The following WWOX variants were observed in gnomAD, a reference collection of about 807,000 sequenced individuals.
The protein encoded by WWOX is WW domain containing oxidoreductase.
WWOX carries 69 observed loss-of-function variants against 46.2 expected under a neutral mutation model. That is an observed-to-expected ratio of 1.49 (90% CI 1.23 to 1.82). WWOX has a LOEUF of 1.82. Ranked by LOEUF, WWOX falls within the 40% of genes most tolerant of loss-of-function variation. The pLI, the probability that WWOX is intolerant of heterozygous loss-of-function variation, is 0.00. For missense variants in WWOX, 919 were observed against 542.6 expected, an observed-to-expected ratio of 1.69 and a Z score of -6.89; for synonymous variants, 359 against 202.6, an observed-to-expected ratio of 1.77 and a Z score of -6.56.
intron 8 of WWOX, among the ~76,000 whole-genome samples, chr16:78,546,803 A>T (rs1318075254): frequency 6.6e-6 from 1 of 152,118 alleles, no homozygotes; most frequent in African/African-American, 2.4e-5. Context: ...AGAGCCTAGA[A>T]AACCTGGGCA....
At chr16:78,536,579 A>G (rs1378905180) in intron 8 of WWOX, among the ~76,000 whole-genome samples, 1 of 152,104 alleles carries the variant, frequency 6.6e-6, no homozygotes, top group African/African-American at 2.4e-5. Flanking sequence ...ATGGTAGCCA[A>G]GGACAGTACT....
chr16:78,952,964 A>C (rs986858288), intron 8 of WWOX, among the ~76,000 whole-genome samples: 10 of 152,190 alleles, frequency 6.6e-5, no homozygotes, highest in African/African-American at 2.2e-4. Context: ...GGCTTCAGCA[A>C]AACCACACAA....
chr16:79,123,758 G>A (rs550560995), intron 8 of WWOX, among the ~76,000 whole-genome samples: 43 of 152,212 alleles, frequency 2.8e-4, no homozygotes, highest in African/African-American at 7.2e-4. Flanking sequence ...TTAAAAGCAG[G>A]CACATTATAA....
chr16:78,179,946 G>A (rs902847126), intron 5 of WWOX, among the ~76,000 whole-genome samples: 4 of 152,220 alleles, frequency 2.6e-5, no homozygotes, highest in African/African-American at 9.6e-5. Context: ...AACTTGGGCA[G>A]CAGTAATCCT....
intron 8 of WWOX, among the ~76,000 whole-genome samples, chr16:79,084,672 C>G (rs544594725): frequency 2.6e-4 from 39 of 152,326 alleles, no homozygotes; most frequent in African/African-American, 8.9e-4. Context: ...ATCGGCCTCC[C>G]AAAGTGCTGG....
chr16:79,173,941 C>G (rs891855652), intron 8 of WWOX, among the ~76,000 whole-genome samples: 1 of 152,162 alleles, frequency 6.6e-6, no homozygotes, highest in Non-Finnish European at 1.5e-5. Flanking sequence ...ATGTGTTGCA[C>G]AGCCTTTAGA....
intron 8 of WWOX, among the ~76,000 whole-genome samples, chr16:78,606,111 C>T (rs543785283): frequency 3.9e-5 from 6 of 152,196 alleles, no homozygotes; most frequent in Admixed American, 1.3e-4. Context: ...TTATGGCTAT[C>T]AAACTACTAG....
At chr16:78,841,994 G>A (rs1487224136) in intron 8 of WWOX, among the ~76,000 whole-genome samples, 3 of 152,148 alleles carry the variant, frequency 2.0e-5, no homozygotes, top group Admixed American at 2.0e-4. Flanking sequence ...AAGGGAAGGG[G>A]GATATAAGAG....
chr16:78,347,368 G>T (rs2081111748), intron 5 of WWOX, among the ~76,000 whole-genome samples: 1 of 117,610 alleles, frequency 8.5e-6, no homozygotes, highest in African/African-American at 2.9e-5. Flanking sequence ...CATATGTCTA[G>T]TTCCAAGTAT....
chr16:78,918,134 G>A (rs2045295303), intron 8 of WWOX, among the ~76,000 whole-genome samples: 2 of 152,054 alleles, frequency 1.3e-5, no homozygotes, highest in Admixed American at 1.3e-4. Context: ...GAGGTGGGAG[G>A]ATCACTTGAG....
At chr16:78,158,656 T>C (rs1029043933) in intron 4 of WWOX, among the ~76,000 whole-genome samples, 2 of 152,220 alleles carry the variant, frequency 1.3e-5, no homozygotes, top group Admixed American at 6.5e-5. Flanking sequence ...TTGTTCACCA[T>C]ATCTTAAGAT....
At chr16:78,876,828 C>G (rs1324497352) in intron 8 of WWOX, among the ~76,000 whole-genome samples, 1 of 152,164 alleles carries the variant, frequency 6.6e-6, no homozygotes, top group Non-Finnish European at 1.5e-5. Context: ...ATATTTTCAT[C>G]TTAACAGCTT....
chr16:79,192,853 C>T (rs2051164212), intron 8 of WWOX, among the ~76,000 whole-genome samples: 1 of 152,188 alleles, frequency 6.6e-6, no homozygotes. Context: ...AGTCACTTAG[C>T]CTCTCTGAGC....
chr16:79,043,138 C>T (rs2048003320), intron 8 of WWOX, among the ~76,000 whole-genome samples: 1 of 151,992 alleles, frequency 6.6e-6, no homozygotes, highest in Non-Finnish European at 1.5e-5. Flanking sequence ...GCTGACTTTG[C>T]CTACTTGCAG....
At chr16:78,099,910 G>T (rs751782761) in intron 1 of WWOX, 25 bp downstream of exon 1, 9 of 1,550,342 alleles carry the variant, frequency 5.8e-6, no homozygotes, top group Non-Finnish European at 7.8e-6. Flanking sequence ...GTGGGGCCGC[G>T]GACGCACCTG....
chr16:79,037,527 C>T (rs545771761), intron 8 of WWOX, among the ~76,000 whole-genome samples: 196 of 152,196 alleles, frequency 1.3e-3, no homozygotes, highest in Admixed American at 4.1e-3. Flanking sequence ...TTCCCAAAGT[C>T]ACACTGCTGA....
At chr16:78,606,817 T>C (rs1022181706) in intron 8 of WWOX, among the ~76,000 whole-genome samples, 2 of 151,644 alleles carry the variant, frequency 1.3e-5, no homozygotes, top group African/African-American at 2.4e-5. Context: ...AGCCCACTTG[T>C]TGAGGATAAG....
At chr16:78,244,381 G>GT (rs11372519) in intron 5 of WWOX, among the ~76,000 whole-genome samples, 78,805 of 151,898 alleles carry the variant, frequency 0.52, 21,257 homozygotes, top group African/African-American at 0.67. Context: ...CTTGCAATCT[G>GT]TATGACTCCT....
chr16:78,507,419 T>G (rs2151482085), intron 8 of WWOX, among the ~76,000 whole-genome samples: 1 of 152,210 alleles, frequency 6.6e-6, no homozygotes, highest in Non-Finnish European at 1.5e-5. Context: ...AATATTCTAG[T>G]TTATATCTCA....
Sources: gnomAD v4.1 joint callset for allele counts (sites outside exome capture counted in the v4.1 genomes callset) on GRCh38, gnomAD v4.1.1 for gene constraint, MANE v1.5 for transcripts, NCBI Gene and HGNC (gene_info 2026-07-23, HGNC 2026-07-21) for gene names.